Variants in SLC2A9 observed in about 807,000 individuals in gnomAD.
The protein encoded by SLC2A9 is solute carrier family 2, facilitated glucose transporter member 9.
Under a neutral mutation model 50.6 loss-of-function variants are expected in SLC2A9, and 39 were observed. The ratio of observed to expected loss-of-function variants is 0.77; its 90% CI spans 0.60 to 1.01. SLC2A9 has a LOEUF of 1.01. Among genes scored for constraint, SLC2A9 ranks in the 50% least tolerant of loss-of-function variants. The pLI, the probability that SLC2A9 is intolerant of heterozygous loss-of-function variation, is 0.00. For missense variants in SLC2A9, 686 were observed against 677.6 expected (o/e 1.01, Z -0.14); for synonymous variants, 324 against 276.9 (o/e 1.17, Z -1.69).
intron 3 of SLC2A9, among the ~76,000 whole-genome samples, chr4:9,812,421 T>G (rs1040275586): frequency 1.3e-5 from 2 of 151,922 alleles, no homozygotes; most frequent in African/African-American, 4.8e-5. Flanking sequence ...GAATATCCTA[T>G]CCTGCAGTCT....
intron 10 of SLC2A9, among the ~76,000 whole-genome samples, chr4:9,837,377 A>G (rs919640884): frequency 2.6e-5 from 4 of 152,172 alleles, no homozygotes; most frequent in African/African-American, 9.7e-5. Context: ...TGTGTCACAC[A>G]CTCAGTTGGT....
At chr4:9,849,847 G>A (rs140983014) in intron 10 of SLC2A9, among the ~76,000 whole-genome samples, 55 of 152,226 alleles carry the variant, frequency 3.6e-4, no homozygotes, top group African/African-American at 1.3e-3. Flanking sequence ...CAATAGAGAC[G>A]GAGGTCAGCA....
At chr4:9,967,104 T>C (rs1299876060) in intron 5 of SLC2A9, among the ~76,000 whole-genome samples, 3 of 152,230 alleles carry the variant, frequency 2.0e-5, no homozygotes, top group South Asian at 4.1e-4. Context: ...AGAAATGTCA[T>C]TGAACTTTTG....
chr4:10,005,883 G>A (rs1294393019), intron 2 of SLC2A9, among the ~76,000 whole-genome samples: 1 of 152,152 alleles, frequency 6.6e-6, no homozygotes, highest in Admixed American at 6.6e-5. Context: ...GGGTGACCTT[G>A]AGTAAGTTAC....
chr4:9,863,689 T>A (rs1303102419), intron 10 of SLC2A9, among the ~76,000 whole-genome samples: 1 of 144,546 alleles, frequency 6.9e-6, no homozygotes, highest in Non-Finnish European at 1.5e-5. Context: ...GGTGAGAGAA[T>A]GCATGTCCGC....
At chr4:9,987,412 G>A (rs1331303710) in intron 3 of SLC2A9, among the ~76,000 whole-genome samples, 5 of 152,210 alleles carry the variant, frequency 3.3e-5, no homozygotes, top group Non-Finnish European at 7.3e-5. Flanking sequence ...GAGCCACTGC[G>A]TCCGGCCTAG....
intron 10 of SLC2A9, among the ~76,000 whole-genome samples, chr4:9,845,986 C>T (rs1728927072): frequency 6.6e-6 from 1 of 152,188 alleles, no homozygotes; most frequent in Admixed American, 6.5e-5. Flanking sequence ...ATGTCAAGTC[C>T]TGTGCTAGGC....
At chr4:10,012,123 A>G (rs1409973575) in intron 2 of SLC2A9, among the ~76,000 whole-genome samples, 1 of 152,242 alleles carries the variant, frequency 6.6e-6, no homozygotes, top group Non-Finnish European at 1.5e-5. Context: ...ATGGCCAACA[A>G]AGAAAAACCA....
chr4:10,029,877 C>T (rs1353640533), intron 1 of SLC2A9, among the ~76,000 whole-genome samples: 1 of 152,040 alleles, frequency 6.6e-6, no homozygotes. Flanking sequence ...CTCAGGTGAT[C>T]TACCTGCCTC....
intron 11 of SLC2A9, among the ~76,000 whole-genome samples, chr4:9,833,167 T>C (rs569041704): frequency 7.4e-4 from 113 of 152,280 alleles, no homozygotes; most frequent in Middle Eastern, 3.4e-3. Flanking sequence ...GAAAAGATAC[T>C]TGTTATGTTC....
Position 9,786,879 on chromosome 4 carries a change from A to G in SLC2A9, n.386-6814T>C, listed in dbSNP as rs529908689. 6.6e-5 allele frequency among the ~76,000 whole-genome samples: 10 copies of G among 152,310 alleles called. No individual in the cohort carries two copies. In the South Asian group the frequency reaches 1.9e-3, roughly 28 times the overall value. On this transcript the variant is annotated intron_variant and non_coding_transcript_variant, in intron 3 of 3. Transcript: ENST00000503803. The stretch of plus-strand genomic sequence containing the variant: ...CAGGTGCTCCTGCCATCTTGCGGGT[A>G]GAGGCCAAAGATGTTGCTAAACAAC...
rs1194963193 is a variant in SLC2A9 at position 9,986,290 on chromosome 4, G to T, written c.411-497C>A. ...AGGAGGGCCCCGAAGACCTTTGAGA[G>T]TGGGCACTGTCCACTGGACTGTTTC... On this transcript the variant is annotated intron_variant, in intron 3 of 11. Coordinates refer to ENST00000264784, the MANE Select transcript of SLC2A9 (RefSeq NM_020041.3). Among the ~76,000 whole-genome samples the T allele has an allele frequency of 2.0e-5, 3 of 152,186 alleles. No individual in the cohort carries two copies. In the South Asian group the frequency reaches 6.2e-4, roughly 32 times the overall value.
At chr4:9,813,190 G>A (rs777173182) in intron 3 of SLC2A9, among the ~76,000 whole-genome samples, 35 of 152,132 alleles carry the variant, frequency 2.3e-4, no homozygotes, top group Non-Finnish European at 4.7e-4. Context: ...TGGGGCAGGC[G>A]GGTTGCAGAA....
intron 10 of SLC2A9, among the ~76,000 whole-genome samples, chr4:9,844,154 A>AC (rs1728543010): frequency 1.1e-5 from 1 of 94,402 alleles, no homozygotes; most frequent in Non-Finnish European, 2.0e-5. Context: ...TTTAGTAAAA[A>AC]AAAAATAATA....
chr4:10,028,816 G>A (rs1763835874), intron 1 of SLC2A9, among the ~76,000 whole-genome samples: 1 of 152,172 alleles, frequency 6.6e-6, no homozygotes, highest in South Asian at 2.1e-4. Flanking sequence ...GAGAAGCGGT[G>A]CCTCCCAAGC....
At chr4:9,877,608 C>G (rs930209106) in intron 10 of SLC2A9, among the ~76,000 whole-genome samples, 3 of 152,178 alleles carry the variant, frequency 2.0e-5, no homozygotes, top group African/African-American at 7.2e-5. Flanking sequence ...CTTATTCATT[C>G]CCAGGTCTGT....
rs763124804 is a variant in SLC2A9, at chr4:9,826,554, A to G, written c.1466T>C (p.Ile489Thr). Residue 489 changes from isoleucine (I) to threonine (T), a missense_variant, in exon 12 of 12, where the codon ATC becomes ACC. Ile to Thr is a moderately conservative substitution (Grantham distance 89). Coordinates refer to ENST00000264784, the MANE Select transcript of SLC2A9 (RefSeq NM_020041.3). ...YCFLVFATIC[I>T]TGAIYLYFVL... ...AAAATACAGGTAGATAGCACCTGTGATACAAATTGTAGCAAAGACTAGGAA... is the reference window on the plus strand; with the variant it reads ...AAAATACAGGTAGATAGCACCTGTGGTACAAATTGTAGCAAAGACTAGGAA... 68 of 1,613,940 alleles carry G rather than the reference A, an allele frequency of 4.2e-5. No homozygotes were observed. Among genetic ancestry groups the G allele is most frequent in the Non-Finnish European group, 5.6e-5 (66 of 1,179,964 alleles).
chr4:9,953,838 T>C (rs1198280689), intron 5 of SLC2A9, among the ~76,000 whole-genome samples: 3 of 152,122 alleles, frequency 2.0e-5, no homozygotes, highest in Non-Finnish European at 2.9e-5. Flanking sequence ...AGATGGAGTT[T>C]TGCTTTTGTT....
At chr4:10,033,315 G>T (rs1166601696) in intron 1 of SLC2A9, among the ~76,000 whole-genome samples, 1 of 152,046 alleles carries the variant, frequency 6.6e-6, no homozygotes, top group African/African-American at 2.4e-5. Flanking sequence ...TCCATTGGAG[G>T]CTCATCTATC....
Sources: gnomAD v4.1 joint callset for allele counts (sites outside exome capture counted in the v4.1 genomes callset) on GRCh38, gnomAD v4.1.1 for gene constraint, MANE v1.5 for transcripts, NCBI Gene and HGNC (gene_info 2026-07-23, HGNC 2026-07-21) for gene names.